The following TRPM3 variants were observed in gnomAD, a reference collection of about 807,000 sequenced individuals.
The protein encoded by TRPM3 is long transient receptor potential channel 3.
A neutral mutation model predicts 181.2 loss-of-function variants in TRPM3; 77 were observed. The observed-to-expected ratio is 0.42, with a 90% confidence interval of 0.35 to 0.51. TRPM3 has a LOEUF of 0.51. TRPM3 is among the 20% of genes least tolerant of loss of function. The pLI is 0.01. For synonymous variants in TRPM3, 745 were observed against 796.4 expected, an observed-to-expected ratio of 0.94 and a Z score of 1.09; for missense variants, 1,759 against 2,196.7, an observed-to-expected ratio of 0.80 and a Z score of 3.98.
At chr9:71,203,596 T>C (rs183953725) in intron 1 of TRPM3, among the ~76,000 whole-genome samples, 1 of 152,206 alleles carries the variant, frequency 6.6e-6, no homozygotes, top group Non-Finnish European at 1.5e-5. Flanking sequence ...TGCTACTGAC[T>C]GGCTGTGTGA....
At chr9:71,087,867 A>G (rs942585306) in intron 1 of TRPM3, among the ~76,000 whole-genome samples, 15 of 152,258 alleles carry the variant, frequency 9.9e-5, no homozygotes, top group African/African-American at 3.6e-4. Context: ...CTGCATGAAT[A>G]CAAAGCAATT....
intron 1 of TRPM3, among the ~76,000 whole-genome samples, chr9:70,865,995 TC>T (rs1319505793): frequency 6.6e-6 from 1 of 152,002 alleles, no homozygotes; most frequent in Non-Finnish European, 1.5e-5. Context: ...CAATGTCTAG[TC>T]TCAAATATTT....
At chr9:71,224,107 A>G (rs1358840186) in intron 1 of TRPM3, among the ~76,000 whole-genome samples, 1 of 152,232 alleles carries the variant, frequency 6.6e-6, no homozygotes, top group African/African-American at 2.4e-5. Context: ...TGGTGGCTTC[A>G]GGTCTGACCT....
intron 1 of TRPM3, among the ~76,000 whole-genome samples, chr9:71,091,044 C>A (rs2066124492): frequency 6.6e-6 from 1 of 151,898 alleles, no homozygotes; most frequent in Admixed American, 6.6e-5. Flanking sequence ...TTTTTCTGTT[C>A]TAAATTAAAT....
intron 7 of TRPM3, among the ~76,000 whole-genome samples, chr9:70,781,345 A>AAAAAG (rs1554702496): frequency 2.6e-3 from 374 of 146,102 alleles, no homozygotes; most frequent in Middle Eastern, 3.5e-3. Context: ...AAAAAAAAAA[A>AAAAAG]AAAAGAAAAC....
chr9:71,108,834 A>T (rs2070362686), intron 1 of TRPM3, among the ~76,000 whole-genome samples: 1 of 152,184 alleles, frequency 6.6e-6, no homozygotes, highest in Admixed American at 6.5e-5. Context: ...ACAATTATCT[A>T]TGTGATAGTT....
intron 1 of TRPM3, among the ~76,000 whole-genome samples, chr9:70,904,837 T>C (rs996788242): frequency 2.6e-5 from 4 of 152,234 alleles, no homozygotes; most frequent in Non-Finnish European, 5.9e-5. Context: ...TGGTTTCTTT[T>C]GATATCAGCA....
chr9:70,649,351 G>T (rs141017736), intron 9 of TRPM3, among the ~76,000 whole-genome samples: 1 of 152,166 alleles, frequency 6.6e-6, no homozygotes, highest in African/African-American at 2.4e-5. Context: ...ACCATGCCTG[G>T]CTAATTTTTG....
At chr9:71,098,054 T>C (rs1053249965) in intron 1 of TRPM3, among the ~76,000 whole-genome samples, 1 of 152,132 alleles carries the variant, frequency 6.6e-6, no homozygotes, top group Non-Finnish European at 1.5e-5. Flanking sequence ...ATGTATTTGA[T>C]ACATGCTCAG....
intron 1 of TRPM3, among the ~76,000 whole-genome samples, chr9:70,956,159 T>C (rs1004456875): frequency 1.3e-5 from 2 of 152,118 alleles, no homozygotes; most frequent in Non-Finnish European, 2.9e-5. Flanking sequence ...GATTAAGGAA[T>C]TGGGCATGTT....
intron 9 of TRPM3, among the ~76,000 whole-genome samples, chr9:70,665,218 C>G (rs1467684258): frequency 1.3e-5 from 2 of 151,926 alleles, no homozygotes; most frequent in Non-Finnish European, 2.9e-5. Flanking sequence ...TTCCTCTTAC[C>G]TATTGAGTGT....
intron 21 of TRPM3, 38 bp from the exon 22 acceptor site, chr9:70,591,243 A>T (rs1413243189): frequency 6.4e-7 from 1 of 1,566,476 alleles, no homozygotes; most frequent in Non-Finnish European, 8.8e-7. Context: ...AACAAGAGAA[A>T]ACCCATATGA....
At chr9:71,156,648 T>C (rs776646206) in intron 1 of TRPM3, among the ~76,000 whole-genome samples, 5 of 152,058 alleles carry the variant, frequency 3.3e-5, no homozygotes, top group Non-Finnish European at 7.4e-5. Context: ...TTCAAGTTAT[T>C]AATAAGACAA....
intron 6 of TRPM3, among the ~76,000 whole-genome samples, chr9:70,789,961 G>A (rs889260945): frequency 3.9e-5 from 6 of 152,178 alleles, no homozygotes; most frequent in African/African-American, 1.4e-4. Context: ...GAGGTGTCAG[G>A]AATGAAAGAA....
chr9:70,942,902 C>A (rs2096899290), intron 1 of TRPM3, among the ~76,000 whole-genome samples: 2 of 151,964 alleles, frequency 1.3e-5, no homozygotes, highest in African/African-American at 4.8e-5. Context: ...TGATACCCAC[C>A]AAATTTCAAA....
intron 8 of TRPM3, among the ~76,000 whole-genome samples, chr9:70,751,061 T>C (rs987034938): frequency 5.3e-5 from 8 of 151,770 alleles, no homozygotes; most frequent in South Asian, 4.2e-4. Flanking sequence ...ATGAATGAAA[T>C]TTAAAATGTA....
intron 1 of TRPM3, among the ~76,000 whole-genome samples, chr9:71,231,053 T>G (rs560417560): frequency 2.3e-4 from 35 of 152,218 alleles, no homozygotes; most frequent in Non-Finnish European, 4.4e-4. Flanking sequence ...ATGGAATATA[T>G]CAAGCTACTT....
intron 1 of TRPM3, among the ~76,000 whole-genome samples, chr9:71,250,424 G>A (rs2082278627): frequency 6.6e-6 from 1 of 152,012 alleles, no homozygotes; most frequent in Non-Finnish European, 1.5e-5. Context: ...TCGTTGGACT[G>A]GGCACTGATT....
chr9:70,972,733 C>T (rs1229904591), intron 1 of TRPM3, among the ~76,000 whole-genome samples: 1 of 151,636 alleles, frequency 6.6e-6, no homozygotes, highest in African/African-American at 2.4e-5. Flanking sequence ...GTAGATGTTA[C>T]TTTTCTATGT....
Sources: allele counts gnomAD v4.1 joint callset (sites outside exome capture counted in the v4.1 genomes callset), GRCh38; gene constraint gnomAD v4.1.1; transcripts MANE v1.5; gene names NCBI Gene and HGNC (gene_info 2026-07-23, HGNC 2026-07-21).